Variants in ASPSCR1 observed in about 807,000 individuals in gnomAD.
The protein encoded by ASPSCR1 is tether containing UBX domain for GLUT4.
A neutral mutation model predicts 68.9 loss-of-function variants in ASPSCR1; 55 were observed. The observed-to-expected ratio is 0.80, with a 90% CI of 0.64 to 1.00. The LOEUF (loss-of-function observed/expected upper bound fraction) is 1.00, where lower values mean the gene tolerates loss of function less well. ASPSCR1 is among the 50% of genes least tolerant of loss of function. ASPSCR1 has a pLI of 0.00. For missense variants in ASPSCR1, 765 were observed against 762.2 expected (o/e 1.00, Z -0.04); for synonymous variants, 352 against 332.6 (o/e 1.06, Z -0.63).
At chr17:82,009,372 G>A in intron 8 of ASPSCR1, 114 bp from the exon 9 acceptor site, 1 of 1,362,056 alleles carries the variant, frequency 7.3e-7, no homozygotes, top group Non-Finnish European at 9.9e-7. Context: ...TTCCTGCCTT[G>A]TGTGGGGAGA....
At chr17:82,002,838 G>A (rs1192502504) in intron 7 of ASPSCR1, among the ~76,000 whole-genome samples, 1 of 152,020 alleles carries the variant, frequency 6.6e-6, no homozygotes, top group African/African-American at 2.4e-5. Flanking sequence ...GATTACAGGC[G>A]TGAGCCACCG....
At chr17:81,996,194 TG>T in intron 6 of ASPSCR1, 129 bp downstream of exon 6, 1 of 1,316,992 alleles carries the variant, frequency 7.6e-7, no homozygotes, top group Non-Finnish European at 1.0e-6. Flanking sequence ...GGAGAGCGCC[TG>T]GTGGCCTCTG....
intron 4 of ASPSCR1, among the ~76,000 whole-genome samples, chr17:81,991,605 A>G (rs1476216689): frequency 6.6e-6 from 1 of 151,854 alleles, no homozygotes; most frequent in Non-Finnish European, 1.5e-5. Context: ...ATTCCTGTCC[A>G]TCCCTGTCCA....
chr17:81,993,119 G>A (rs1447677986), intron 4 of ASPSCR1, among the ~76,000 whole-genome samples: 3 of 152,166 alleles, frequency 2.0e-5, no homozygotes, highest in African/African-American at 4.8e-5. Context: ...CCCAGGTGTC[G>A]GGGCTGGGCC....
At chr17:81,985,052 ACACACCCACG>A (rs58162523) in intron 3 of ASPSCR1, among the ~76,000 whole-genome samples, 4,187 of 105,556 alleles carry the variant, frequency 0.04, 86 homozygotes, top group South Asian at 0.16. Context: ...TCCCCCCCAC[ACACACCCACG>A]CACACACCTG....
intron 7 of ASPSCR1, among the ~76,000 whole-genome samples, chr17:81,998,685 G>C (rs2144052198): frequency 6.6e-6 from 1 of 152,362 alleles, no homozygotes; most frequent in East Asian, 1.9e-4. Flanking sequence ...GTGCATGTGT[G>C]TTCATAAGTG....
chr17:81,991,647 G>A (rs1303730303), intron 4 of ASPSCR1, among the ~76,000 whole-genome samples: 2 of 152,242 alleles, frequency 1.3e-5, no homozygotes, highest in East Asian at 3.9e-4. Context: ...ACCTGGCTGG[G>A]TTGAGAAGGC....
At chr17:82,012,960 C>G (rs1435563073) in intron 12 of ASPSCR1, 1 of 152,444 alleles carries the variant, frequency 6.6e-6, no homozygotes, top group African/African-American at 2.4e-5. Flanking sequence ...TAATGGTTTC[C>G]TCTTCAAAGC....
chr17:81,995,908 C>G (rs1024670193), intron 5 of ASPSCR1, 84 bp from the exon 6 acceptor site: 1 of 1,378,696 alleles, frequency 7.3e-7, no homozygotes, highest in Admixed American at 1.9e-5. Context: ...GCCTGTGGTC[C>G]TGGTGGTGCC....
At chr17:82,015,067 C>A in intron 12 of ASPSCR1, 1 of 1,595,140 alleles carries the variant, frequency 6.3e-7, no homozygotes, top group Non-Finnish European at 8.5e-7. Flanking sequence ...CCCACTTTCC[C>A]TTTCCAGCCC....
rs769465239 is a variant in ASPSCR1 at position 81,979,192 on chromosome 17, G to A, written c.111G>A (p.Glu37=). Residue 37 remains glutamate, a synonymous_variant, in exon 2 of 16, where the codon GAG becomes GAA. Transcript: ENST00000306739. The part of the protein sequence containing the change: ...TPSTVLLQVL[E]DTCRRQDFNP... The stretch of plus-strand genomic sequence containing the variant: ...TTTCATCTCACCCCCAGGTTCTGGA[G>A]GACACGTGCCGGCGGCAGGACTTCA... 7 of 1,614,004 alleles carry A rather than the reference G, an allele frequency of 4.3e-6. No homozygotes were observed. The highest frequency in any genetic ancestry group is 5.9e-6 in the Non-Finnish European group (7 of 1,180,010).
At chr17:81,994,713 T>C in intron 4 of ASPSCR1, 108 bp from the exon 5 acceptor site, 2 of 1,148,790 alleles carry the variant, frequency 1.7e-6, no homozygotes, top group Non-Finnish European at 2.6e-6. Context: ...GGGTGGGTGC[T>C]GGGTGAGGGC....
intron 4 of ASPSCR1, among the ~76,000 whole-genome samples, chr17:81,988,411 C>T (rs1403670773): frequency 6.6e-6 from 1 of 150,742 alleles, no homozygotes; most frequent in Non-Finnish European, 1.5e-5. Context: ...GCTGAGATTG[C>T]GCCACTGCAC....
At chr17:81,978,094 T>G (rs1007359192) in intron 1 of ASPSCR1, 2 of 167,432 alleles carry the variant, frequency 1.2e-5, no homozygotes, top group Non-Finnish European at 2.5e-5. Flanking sequence ...GCGTTCCCAT[T>G]CCGGGGCGTC....
intron 4 of ASPSCR1, among the ~76,000 whole-genome samples, chr17:81,992,998 G>A (rs2042221473): frequency 2.0e-5 from 3 of 152,224 alleles, no homozygotes; most frequent in Non-Finnish European, 2.9e-5. Flanking sequence ...CAGGCTGTCA[G>A]AGTCGGGGCC....
intron 9 of ASPSCR1, 129 bp downstream of exon 9, chr17:82,009,696 G>T (rs534280908): frequency 2.2e-5 from 12 of 550,936 alleles, no homozygotes; most frequent in Admixed American, 3.9e-5. Context: ...TGGACAGGAC[G>T]TGGTGGCGAC....
At position 82,016,781 on chromosome 17, in the gene ASPSCR1, A is replaced by G. The variant is rs1171982996; in HGVS notation, c.1406-19A>G. 1.2e-6 allele frequency: 2 copies of G among 1,605,266 alleles called. No individual in the cohort carries two copies. The highest frequency in any genetic ancestry group is 4.5e-5 in the East Asian group (2 of 44,796). Reference sequence around the variant, plus strand: ...GACCCCTCCTCAGAGGCTCAGGGTGAGCTTGGGCCTCCCTGCAGGTGTCTA... The same window carrying G: ...GACCCCTCCTCAGAGGCTCAGGGTGGGCTTGGGCCTCCCTGCAGGTGTCTA... On this transcript the variant is annotated intron_variant, in intron 13 of 15. Coordinates refer to ENST00000306739, the MANE Select transcript of ASPSCR1 (RefSeq NM_024083.4).
At chr17:81,996,188 A>C in intron 6 of ASPSCR1, 123 bp downstream of exon 6, 2 of 1,338,476 alleles carry the variant, frequency 1.5e-6, no homozygotes, top group Non-Finnish European at 2.0e-6. Flanking sequence ...CATCATGGAG[A>C]GCGCCTGGTG....
chr17:81,979,135 G>T, intron 1 of ASPSCR1, 49 bp from the exon 2 acceptor site: 1 of 1,604,736 alleles, frequency 6.2e-7, no homozygotes, highest in Non-Finnish European at 8.5e-7. Flanking sequence ...CACTGCGCCC[G>T]CCAGCCCTGC....
Sources: gnomAD v4.1 joint callset for allele counts (sites outside exome capture counted in the v4.1 genomes callset) on GRCh38, gnomAD v4.1.1 for gene constraint, MANE v1.5 for transcripts, NCBI Gene and HGNC (gene_info 2026-07-23, HGNC 2026-07-21) for gene names.